Variants in NAA11 observed in about 807,000 individuals in gnomAD.
NAA11 encodes the protein N-alpha-acetyltransferase 11.
Under a neutral mutation model 16.1 loss-of-function variants are expected in NAA11, and 15 were observed. The ratio of observed to expected loss-of-function variants is 0.93; its 90% confidence interval spans 0.62 to 1.44. The LOEUF is 1.44. NAA11 is among the 40% of genes most tolerant of loss of function. The pLI is 0.00. For missense variants in NAA11, 298 were observed against 291.3 expected, an observed-to-expected ratio of 1.02 and a Z score of -0.17; for synonymous variants, 122 against 112.4, an observed-to-expected ratio of 1.09 and a Z score of -0.54.
chr4:79,162,253 T>C, the NAA11 span, among the ~76,000 whole-genome samples: 2 of 152,200 alleles, frequency 1.3e-5, no homozygotes, highest in African/African-American at 2.4e-5. Context: ...CAAAAGCTTC[T>C]AGGTTGGGAA....
intron 1 of NAA11, chr4:79,298,914 A>G (rs1317524694): frequency 6.6e-6 from 1 of 152,244 alleles, no homozygotes. Context: ...ATTTTACTTG[A>G]CTATATTTTA....
At chr4:79,269,114 G>C (rs1189450444) in intron 2 of NAA11, among the ~76,000 whole-genome samples, 3 of 134,106 alleles carry the variant, frequency 2.2e-5, no homozygotes, top group African/African-American at 8.7e-5. Context: ...TTGGACATTT[G>C]GGTTGGTTCC....
intron 1 of NAA11, among the ~76,000 whole-genome samples, chr4:79,304,626 A>T (rs1723510885): frequency 6.6e-6 from 1 of 152,238 alleles, no homozygotes; most frequent in African/African-American, 2.4e-5. Flanking sequence ...CATATTTCAA[A>T]GAAATTATAT....
intron 2 of NAA11, among the ~76,000 whole-genome samples, chr4:79,271,804 C>A (rs1722499199): frequency 6.6e-6 from 1 of 151,974 alleles, no homozygotes; most frequent in East Asian, 1.9e-4. Context: ...CTCATGGTAT[C>A]ATGCCAGTCT....
At chr4:79,292,738 C>T (rs1190521020) in intron 2 of NAA11, among the ~76,000 whole-genome samples, 9 of 152,184 alleles carry the variant, frequency 5.9e-5, no homozygotes, top group East Asian at 5.8e-4. Flanking sequence ...ATTACAGTAA[C>T]GCTCCCATTT....
At chr4:79,293,245 T>C (rs2109994654) in intron 2 of NAA11, among the ~76,000 whole-genome samples, 1 of 152,246 alleles carries the variant, frequency 6.6e-6, no homozygotes, top group South Asian at 2.1e-4. Flanking sequence ...AATTAGATAT[T>C]TTTTAAAAAT....
At chr4:79,263,793 T>C (rs1387435511) in intron 2 of NAA11, among the ~76,000 whole-genome samples, 3 of 152,160 alleles carry the variant, frequency 2.0e-5, no homozygotes, top group African/African-American at 7.2e-5. Flanking sequence ...ACTTTACATC[T>C]TCTCTCTTCT....
chr4:79,284,396 T>C (rs986298112), intron 2 of NAA11, among the ~76,000 whole-genome samples: 7 of 152,170 alleles, frequency 4.6e-5, no homozygotes, highest in African/African-American at 1.4e-4. Flanking sequence ...TTGACTGTCA[T>C]AGGGTATCTT....
intron 2 of NAA11, among the ~76,000 whole-genome samples, chr4:79,246,955 A>G (rs1373615455): frequency 1.3e-5 from 2 of 152,166 alleles, no homozygotes; most frequent in Non-Finnish European, 2.9e-5. Context: ...TCTTGAGGCA[A>G]ATGGTAGAGC....
At chr4:79,321,689 T>C (rs1299826951) in intron 1 of NAA11, among the ~76,000 whole-genome samples, 2 of 152,232 alleles carry the variant, frequency 1.3e-5, no homozygotes, top group African/African-American at 2.4e-5. Flanking sequence ...ATAAAACTCA[T>C]AGGTATTTTC....
chr4:79,202,490 G>A, the NAA11 span, among the ~76,000 whole-genome samples: 16 of 145,352 alleles, frequency 1.1e-4, no homozygotes, highest in African/African-American at 4.0e-4. Flanking sequence ...TCTTCTGAAA[G>A]TCTTTTCATT....
the NAA11 span, among the ~76,000 whole-genome samples, chr4:79,172,445 A>ATG: frequency 6.6e-6 from 1 of 152,282 alleles, no homozygotes; most frequent in East Asian, 1.9e-4. Context: ...CTTTAATTAT[A>ATG]TGCTTTAAAC....
At chr4:79,230,800 G>A (rs1721444200) in intron 2 of NAA11, among the ~76,000 whole-genome samples, 1 of 151,902 alleles carries the variant, frequency 6.6e-6, no homozygotes, top group Non-Finnish European at 1.5e-5. Flanking sequence ...CAGAGAAAGT[G>A]CTCAAGAACT....
At chr4:79,183,055 G>T in the NAA11 span, among the ~76,000 whole-genome samples, 1 of 152,030 alleles carries the variant, frequency 6.6e-6, no homozygotes, top group Non-Finnish European at 1.5e-5. Flanking sequence ...TTCTTGGGGA[G>T]GTAACATTTT....
chr4:79,244,065 A>G (rs1721751915), intron 2 of NAA11, among the ~76,000 whole-genome samples: 3 of 152,188 alleles, frequency 2.0e-5, no homozygotes, highest in Admixed American at 6.5e-5. Context: ...CCATTTTTGT[A>G]TCTTAAGGTG....
chr4:79,239,822 T>C (rs918649020), intron 2 of NAA11, among the ~76,000 whole-genome samples: 53 of 152,346 alleles, frequency 3.5e-4, no homozygotes, highest in African/African-American at 1.2e-3. Context: ...TAAGATGACA[T>C]GTTCTCTAGT....
intron 2 of NAA11, among the ~76,000 whole-genome samples, chr4:79,277,199 C>T (rs1722670264): frequency 6.6e-6 from 1 of 152,072 alleles, no homozygotes; most frequent in Non-Finnish European, 1.5e-5. Flanking sequence ...GACCCCTTTA[C>T]AGGATGGCTA....
intron 1 of NAA11, among the ~76,000 whole-genome samples, chr4:79,318,281 G>C (rs1341487040): frequency 6.6e-6 from 1 of 152,108 alleles, no homozygotes; most frequent in Non-Finnish European, 1.5e-5. Context: ...TCTTTCTGAG[G>C]CCTGGACAGG....
the NAA11 span, among the ~76,000 whole-genome samples, chr4:79,157,896 T>C: frequency 1.4e-5 from 2 of 145,260 alleles, no homozygotes; most frequent in Non-Finnish European, 3.0e-5. Flanking sequence ...TGATTGCTGA[T>C]GATTTTTTTT....
Sources: allele counts gnomAD v4.1 joint callset (sites outside exome capture counted in the v4.1 genomes callset), GRCh38; gene constraint gnomAD v4.1.1; transcripts MANE v1.5; gene names NCBI Gene and HGNC (gene_info 2026-07-23, HGNC 2026-07-21).